Variants in ANOS1 observed in about 807,000 individuals in gnomAD.
ANOS1 encodes anosmin 1.
In ANOS1, 6 loss-of-function variants were observed where a neutral mutation model predicts 59.0. The observed-to-expected ratio is 0.10, with a 90% CI of 0.06 to 0.20. The LOEUF (loss-of-function observed/expected upper bound fraction) is 0.20, where lower values mean the gene tolerates loss of function less well. ANOS1 is among the 10% of genes least tolerant of loss of function. The pLI, the probability that ANOS1 is intolerant of heterozygous loss-of-function variation, is 1.00. For missense variants in ANOS1, 433 were observed against 542.3 expected (o/e 0.80, Z 2.00); for synonymous variants, 217 against 223.4 (o/e 0.97, Z 0.25).
chrX:8,728,499 C>T (rs1419509391), intron 1 of ANOS1, among the ~76,000 whole-genome samples: 2 of 111,643 alleles, frequency 1.8e-5, no homozygotes, highest in Non-Finnish European at 3.8e-5. Flanking sequence ...TACCCATTCG[C>T]GACGCTACAG....
chrX:8,730,514 C>G (rs746060515), intron 1 of ANOS1, among the ~76,000 whole-genome samples: 11 of 112,823 alleles, frequency 9.7e-5, no homozygotes, highest in Non-Finnish European at 1.9e-4. Context: ...AGGGGAATCA[C>G]TTCCACATTC....
chrX:8,594,880 C>T (rs1369074650), intron 4 of ANOS1, among the ~76,000 whole-genome samples: 1 of 104,389 alleles, frequency 9.6e-6, no homozygotes, highest in African/African-American at 3.5e-5. Flanking sequence ...CATTGATTCT[C>T]TCTCTCTCCA....
At chrX:8,707,010 A>T (rs1338338789) in intron 1 of ANOS1, among the ~76,000 whole-genome samples, 3 of 111,425 alleles carry the variant, frequency 2.7e-5, no homozygotes, top group Admixed American at 9.6e-5. Context: ...CCACGCCCTG[A>T]CTTCCACAGC....
intron 9 of ANOS1, among the ~76,000 whole-genome samples, chrX:8,548,137 ATTAAC>A (rs1279897544): frequency 8.9e-6 from 1 of 112,601 alleles, no homozygotes; most frequent in Non-Finnish European, 1.9e-5. Flanking sequence ...TATCTAAAGG[ATTAAC>A]TTAAAAGAAC....
chrX:8,683,668 G>A (rs1304699413), intron 2 of ANOS1, among the ~76,000 whole-genome samples: 1 of 111,979 alleles, frequency 8.9e-6, no homozygotes, highest in African/African-American at 3.2e-5. Flanking sequence ...AGAGAGCAAC[G>A]CCATTGCCCC....
intron 3 of ANOS1, among the ~76,000 whole-genome samples, chrX:8,597,658 CTTTTTTTTTTTTTTTTT>C (rs35836743): frequency 1.6e-4 from 4 of 25,146 alleles, no homozygotes; most frequent in Non-Finnish European, 2.1e-4. Context: ...TTCTTTCTCC[CTTTTTTTTTTTTTTTTT>C]TTTTTTTTTT....
In ANOS1 at chrX:8,646,327, G is replaced by T. The variant is rs1183840826; in HGVS notation, c.256-22657C>A. ...TGAGTAGCTGGGACTATCGGTGCGT[G>T]CCATCACCTGTAATAGGCATGCCAT... On this transcript the variant is annotated intron_variant, in intron 2 of 13. Coordinates refer to ENST00000262648, the MANE Select transcript of ANOS1 (RefSeq NM_000216.4). Among the ~76,000 whole-genome samples the T allele has an allele frequency of 3.6e-5, 4 of 110,851 alleles. No individual in the cohort carries two copies. The East Asian group carries it at 1.1e-3, about 32-fold the overall frequency.
At chrX:8,700,441 C>T (rs775136898) in intron 1 of ANOS1, among the ~76,000 whole-genome samples, 5 of 111,323 alleles carry the variant, frequency 4.5e-5, no homozygotes, top group Non-Finnish European at 7.5e-5. Context: ...ATGAGAACAG[C>T]CAGGAGGAAA....
chrX:8,545,048 AAGAG>A (rs1929745851), intron 9 of ANOS1, among the ~76,000 whole-genome samples: 1 of 97,904 alleles, frequency 1.0e-5, no homozygotes, highest in Admixed American at 1.1e-4. Context: ...CCTGGGCAAC[AAGAG>A]AGAAACTCCA....
At chrX:8,660,660 C>A (rs1602009926) in intron 2 of ANOS1, among the ~76,000 whole-genome samples, 1 of 111,459 alleles carries the variant, frequency 9.0e-6, no homozygotes, top group Non-Finnish European at 1.9e-5. Flanking sequence ...AGACTTTAAC[C>A]CAAAACTATG....
At chrX:8,612,815 T>C (rs1261355203) in intron 3 of ANOS1, among the ~76,000 whole-genome samples, 1 of 111,479 alleles carries the variant, frequency 9.0e-6, no homozygotes, top group Non-Finnish European at 1.9e-5. Context: ...AAAGAAGAAA[T>C]AGACAACGTG....
intron 6 of ANOS1, among the ~76,000 whole-genome samples, chrX:8,574,689 A>G (rs1354197567): frequency 8.9e-6 from 1 of 111,989 alleles, no homozygotes; most frequent in Non-Finnish European, 1.9e-5. Context: ...CTTTGAACAC[A>G]GACCGAAGGG....
At chrX:8,533,193 A>C in intron 13 of ANOS1, 140 bp from the exon 14 acceptor site, 1 of 482,998 alleles carries the variant, frequency 2.1e-6, no homozygotes, top group Non-Finnish European at 3.7e-6. Context: ...TCTGAATCTG[A>C]ATGTACAACC....
At chrX:8,564,756 A>G (rs914790002) in intron 8 of ANOS1, among the ~76,000 whole-genome samples, 3 of 111,479 alleles carry the variant, frequency 2.7e-5, no homozygotes, top group African/African-American at 9.8e-5. Context: ...GTTTATATTT[A>G]TGGGGAACCG....
rs1328497127 is a variant in ANOS1 at position 8,529,042 on chromosome X, C to CT, written c.*3952dup. 10 of 112,052 alleles carry CT rather than the reference C, an allele frequency of 8.9e-5. No homozygotes were observed. The highest frequency in any genetic ancestry group is 1.7e-4 in the Non-Finnish European group (9 of 53,301). 9.2% of individuals were successfully genotyped at this position (112,052 alleles called of 1,213,427 possible). On this transcript the variant is annotated 3_prime_UTR_variant, in exon 14 of 14. Coordinates refer to ENST00000262648, the MANE Select transcript of ANOS1 (RefSeq NM_000216.4). ...GTGACAGACATACACAAAAATCCAA[C>CT]TTTTTTTATTACATACATAAATAAA... is the stretch of plus-strand genomic sequence containing the variant.
At chrX:8,573,515 C>T (rs1433307687) in intron 6 of ANOS1, among the ~76,000 whole-genome samples, 2 of 111,769 alleles carry the variant, frequency 1.8e-5, no homozygotes, top group Non-Finnish European at 3.8e-5. Flanking sequence ...CTAGGGATCT[C>T]ATCAGGTGTC....
At chrX:8,609,357 C>T (rs1041329013) in intron 3 of ANOS1, among the ~76,000 whole-genome samples, 20 of 111,971 alleles carry the variant, frequency 1.8e-4, no homozygotes, top group African/African-American at 6.5e-4. Context: ...TAAGCAACTG[C>T]AGACCACAAG....
Position 8,539,757 on chromosome X carries a change from A to G in ANOS1, c.1356T>C (p.Asp452=), listed in dbSNP as rs1165336530. The part of the protein sequence containing the change: ...QVKVYWKKTE[D]PTVNRYHVRW... ...GCACATGATATCGGTTGACAGTGGG[A>G]TCTATAATGCCAAAACACGCAAACA... is the stretch of plus-strand genomic sequence containing the variant. The change falls in exon 10 of 14, where the codon GAT becomes GAC. Residue 452 remains aspartate (D), a splice_region_variant and synonymous_variant. Coordinates refer to ENST00000262648, the MANE Select transcript of ANOS1 (RefSeq NM_000216.4). The G allele has an allele frequency of 5.0e-6, 6 of 1,208,625 alleles. No individual in the cohort carries two copies. In the African/African-American group the frequency reaches 1.1e-4, roughly 21 times the overall value.
intron 2 of ANOS1, among the ~76,000 whole-genome samples, chrX:8,651,757 G>A (rs1304991514): frequency 1.8e-5 from 2 of 111,908 alleles, no homozygotes; most frequent in Non-Finnish European, 3.8e-5. Context: ...CTGCCTAGTA[G>A]TTTAGCTGAC....
Sources: gnomAD v4.1 joint callset for allele counts (sites outside exome capture counted in the v4.1 genomes callset) on GRCh38, gnomAD v4.1.1 for gene constraint, MANE v1.5 for transcripts, NCBI Gene and HGNC (gene_info 2026-07-23, HGNC 2026-07-21) for gene names.